ZNF609: variants seen among roughly 807,000 people sequenced by gnomAD.
ZNF609 encodes zinc finger protein 609.
A neutral mutation model predicts 109.5 loss-of-function variants in ZNF609; 11 were observed. The observed-to-expected ratio is 0.10, with a 90% CI of 0.06 to 0.17. The LOEUF is 0.17. Among genes scored for constraint, ZNF609 ranks in the 10% least tolerant of loss-of-function variants. The pLI, the probability that ZNF609 is intolerant of heterozygous loss-of-function variation, is 1.00. For missense variants in ZNF609, 1,559 were observed against 1,772.4 expected (o/e 0.88, Z 2.16); for synonymous variants, 646 against 662.0 (o/e 0.98, Z 0.37).
intron 2 of ZNF609, among the ~76,000 whole-genome samples, chr15:64,560,756 A>C (rs1232127304): frequency 6.6e-6 from 1 of 152,190 alleles, no homozygotes; most frequent in Admixed American, 6.5e-5. Context: ...AGGAGTAGAG[A>C]AACAGGTCAA....
intron 1 of ZNF609, among the ~76,000 whole-genome samples, chr15:64,490,261 G>A (rs893306733): frequency 1.5e-5 from 2 of 137,130 alleles, no homozygotes; most frequent in Admixed American, 8.1e-5. Context: ...CACTGCACCC[G>A]GCCAGTAGTT....
intron 2 of ZNF609, among the ~76,000 whole-genome samples, chr15:64,505,209 T>G (rs1009343318): frequency 1.3e-5 from 2 of 152,236 alleles, no homozygotes; most frequent in African/African-American, 4.8e-5. Context: ...ACTTTAAAAC[T>G]GCTACTTTGA....
chr15:64,547,649 AC>A (rs1443841332), intron 2 of ZNF609, among the ~76,000 whole-genome samples: 1 of 148,938 alleles, frequency 6.7e-6, no homozygotes, highest in Non-Finnish European at 1.5e-5. Context: ...GCCACTTACC[AC>A]TTTTTTTTTT....
At chr15:64,463,640 T>C (rs936473725) in intron 1 of ZNF609, among the ~76,000 whole-genome samples, 1 of 152,214 alleles carries the variant, frequency 6.6e-6, no homozygotes, top group Non-Finnish European at 1.5e-5. Context: ...GCCTCCCTTA[T>C]CCTTTTATTT....
chr15:64,642,761 T>C lies in ZNF609; in HGVS notation c.973+19709T>C, dbSNP rs559794672. Reference sequence around the variant, plus strand: ...GTGAGCCCTGACTGTGCCACTGCACTCTAGCCTGGGTGACAGAGCAAGACC... The same window carrying C: ...GTGAGCCCTGACTGTGCCACTGCACCCTAGCCTGGGTGACAGAGCAAGACC... On this transcript the variant is annotated intron_variant, in intron 3 of 9. Transcript: ENST00000326648. Among the ~76,000 whole-genome samples, 4 of 152,326 alleles carry C rather than the reference T, an allele frequency of 2.6e-5. No individual in the cohort carries two copies. In the South Asian group the frequency reaches 8.3e-4, roughly 32 times the overall value.
chr15:64,630,091 C>A (rs200160356), intron 3 of ZNF609, among the ~76,000 whole-genome samples: 1 of 143,096 alleles, frequency 7.0e-6, no homozygotes, highest in Non-Finnish European at 1.5e-5. Flanking sequence ...TCCTAATTTT[C>A]TTTTTTCTTT....
At chr15:64,608,671 CTCTT>C (rs1258242973) in intron 2 of ZNF609, among the ~76,000 whole-genome samples, 2 of 152,022 alleles carry the variant, frequency 1.3e-5, no homozygotes, top group African/African-American at 2.4e-5. Context: ...CCAATCTGTT[CTCTT>C]TGTCTCTAAT....
chr15:64,525,489 A>G lies in ZNF609; in HGVS notation c.747+25323A>G, dbSNP rs1019199130. Among the ~76,000 whole-genome samples, 3 of 152,208 alleles carry G rather than the reference A, an allele frequency of 2.0e-5. No individual in the cohort carries two copies. In the East Asian group the frequency reaches 5.8e-4, roughly 29 times the overall value. On this transcript the variant is annotated intron_variant, in intron 2 of 9. Transcript: ENST00000326648. ...AATCTTGATTACTCATCTTTGTAGT[A>G]AGTGTTGAGAATTGTGAGTCTTTCA...
At chr15:64,486,156 ATATAATAACC>A (rs774674870) in intron 1 of ZNF609, among the ~76,000 whole-genome samples, 6 of 152,202 alleles carry the variant, frequency 3.9e-5, no homozygotes, top group Non-Finnish European at 7.3e-5. Context: ...TTGGTACATT[ATATAATAACC>A]TGTTAAGGGA....
intron 2 of ZNF609, among the ~76,000 whole-genome samples, chr15:64,521,607 A>G (rs960645701): frequency 6.6e-6 from 1 of 152,200 alleles, no homozygotes; most frequent in Non-Finnish European, 1.5e-5. Flanking sequence ...AGTCAGGAGG[A>G]ATTTAGGTAG....
intron 3 of ZNF609, among the ~76,000 whole-genome samples, chr15:64,649,896 A>T (rs1896389436): frequency 6.6e-6 from 1 of 152,166 alleles, no homozygotes. Context: ...TTTTTAAAAT[A>T]CTTTAATACT....
chr15:64,575,474 A>AT (rs1230131169), intron 2 of ZNF609, among the ~76,000 whole-genome samples: 1 of 151,916 alleles, frequency 6.6e-6, no homozygotes. Flanking sequence ...AATCAGTAGG[A>AT]TTTTTTTGCA....
At chr15:64,529,258 C>T (rs1366908341) in intron 2 of ZNF609, 4 of 714,756 alleles carry the variant, frequency 5.6e-6, no homozygotes, top group South Asian at 1.4e-5. Flanking sequence ...TCATACTTCT[C>T]ATGGTTCACG....
intron 2 of ZNF609, among the ~76,000 whole-genome samples, chr15:64,572,682 C>T (rs1393355485): frequency 2.0e-5 from 3 of 151,830 alleles, no homozygotes; most frequent in Non-Finnish European, 2.9e-5. Flanking sequence ...CACCTGAGGT[C>T]GGGAGTTTGA....
At chr15:64,519,895 A>G (rs571560298) in intron 2 of ZNF609, among the ~76,000 whole-genome samples, 2 of 152,276 alleles carry the variant, frequency 1.3e-5, no homozygotes, top group African/African-American at 4.8e-5. Context: ...TAGATTTTAT[A>G]TGGTTTTAAT....
At chr15:64,490,771 A>G (rs1282717545) in intron 1 of ZNF609, among the ~76,000 whole-genome samples, 1 of 152,252 alleles carries the variant, frequency 6.6e-6, no homozygotes, top group African/African-American at 2.4e-5. Flanking sequence ...GGCACAGAGC[A>G]GTAGTGACAA....
chr15:64,542,300 A>G (rs1894278174), intron 2 of ZNF609, among the ~76,000 whole-genome samples: 1 of 152,224 alleles, frequency 6.6e-6, no homozygotes, highest in East Asian at 1.9e-4. Flanking sequence ...GGGCAAAACT[A>G]TAGACGTAAT....
At chr15:64,524,691 C>T (rs1209214836) in intron 2 of ZNF609, among the ~76,000 whole-genome samples, 1 of 152,082 alleles carries the variant, frequency 6.6e-6, no homozygotes, top group Non-Finnish European at 1.5e-5. Flanking sequence ...AAATATACCA[C>T]ATTTGTTTAT....
intron 2 of ZNF609, among the ~76,000 whole-genome samples, chr15:64,588,976 A>G (rs1895249619): frequency 6.6e-6 from 1 of 152,074 alleles, no homozygotes; most frequent in Non-Finnish European, 1.5e-5. Context: ...CAACCAAGAA[A>G]ATGTCTCAGC....
Sources: allele counts gnomAD v4.1 joint callset (sites outside exome capture counted in the v4.1 genomes callset), GRCh38; gene constraint gnomAD v4.1.1; transcripts MANE v1.5; gene names NCBI Gene and HGNC (gene_info 2026-07-23, HGNC 2026-07-21).